The following GLP2R variants were observed in gnomAD, a reference collection of about 807,000 sequenced individuals.
GLP2R encodes glucagon like peptide 2 receptor, also known as glucagon-like peptide 2 receptor.
A neutral mutation model predicts 68.2 loss-of-function variants in GLP2R; 59 were observed. The ratio of observed to expected loss-of-function variants is 0.87; its 90% CI spans 0.70 to 1.07. The LOEUF (loss-of-function observed/expected upper bound fraction) is 1.07, where lower values mean the gene tolerates loss of function less well. Among genes scored for constraint, GLP2R ranks in the 50% least tolerant of loss-of-function variants. GLP2R has a pLI of 0.00. For missense variants in GLP2R, 548 were observed against 677.4 expected (o/e 0.81, Z 2.12); for synonymous variants, 270 against 265.4 (o/e 1.02, Z -0.17).
chr17:9,836,057 A>AG (rs1399042427), intron 2 of GLP2R, among the ~76,000 whole-genome samples: 13 of 151,618 alleles, frequency 8.6e-5, no homozygotes, highest in Admixed American at 4.6e-4. Context: ...AAAAAAAAAA[A>AG]AAAGAAAGAA....
At chr17:9,847,365 T>A (rs1316155675) in intron 4 of GLP2R, among the ~76,000 whole-genome samples, 1 of 151,796 alleles carries the variant, frequency 6.6e-6, no homozygotes. Flanking sequence ...CGCCTTCCGG[T>A]TTCAAGCGAT....
At chr17:9,826,661 T>TTCCTA (rs1359748530) in intron 1 of GLP2R, among the ~76,000 whole-genome samples, 2 of 152,188 alleles carry the variant, frequency 1.3e-5, no homozygotes, top group African/African-American at 4.8e-5. Context: ...ATTTTTCTTT[T>TTCCTA]TCCTTTCCTT....
At position 9,834,041 on chromosome 17, in the gene GLP2R, G is replaced by A. The variant is rs750237770; in HGVS notation, c.277+147G>A. 1.1e-4 allele frequency: 78 copies of A among 700,276 alleles called. 1 individual carries two copies. The highest frequency in any genetic ancestry group is 4.9e-4 in the South Asian group (31 of 62,728). The allele number at this position is 700,276 out of a possible 1,614,324, so 43.4% of individuals were successfully genotyped here. On this transcript the variant is annotated intron_variant, in intron 2 of 12. Coordinates refer to ENST00000262441, the MANE Select transcript of GLP2R (RefSeq NM_004246.3). ...GGCACACTGGGGATGGCTTGTTTCC[G>A]CTCTGTAATGTCTAGAGTTTAGCTG...
intron 4 of GLP2R, among the ~76,000 whole-genome samples, chr17:9,851,242 T>G (rs142167914): frequency 6.6e-6 from 1 of 152,158 alleles, no homozygotes; most frequent in South Asian, 2.1e-4. Context: ...GACCCAGTAA[T>G]GTCTTGATAT....
intron 3 of GLP2R, among the ~76,000 whole-genome samples, chr17:9,841,087 G>A (rs1331265028): frequency 6.7e-6 from 1 of 149,138 alleles, no homozygotes; most frequent in Non-Finnish European, 1.5e-5. Context: ...CGTGATCTCA[G>A]CTCACTGCAA....
chr17:9,843,036 C>T (rs1191430239), intron 4 of GLP2R, among the ~76,000 whole-genome samples: 35 of 151,808 alleles, frequency 2.3e-4, no homozygotes, highest in Admixed American at 6.6e-5. Context: ...CCCACCACCC[C>T]CCACTTCGAC....
chr17:9,854,554 C>T lies in GLP2R; in HGVS notation c.564C>T (p.Phe188=). 6.2e-7 allele frequency: 1 copy of T among 1,612,114 alleles called. No individual in the cohort carries two copies. Among genetic ancestry groups the T allele is most frequent in the Non-Finnish European group, 8.5e-7 (1 of 1,178,140 alleles). ...TGATGTACACCGTGGGATACTCCTT[C>T]TCTCTTATCTCCCTCTTCCTGGCTC... ...LQLMYTVGYS[F]SLISLFLALT... is the part of the protein sequence containing the mutation. The change falls in exon 5 of 13, where the codon TTC becomes TTT. Residue 188 remains phenylalanine, a synonymous_variant. Transcript: ENST00000262441.
intron 4 of GLP2R, among the ~76,000 whole-genome samples, chr17:9,849,607 C>CTTTTTTTTTTTTTTT (rs57795068): frequency 2.3e-5 from 2 of 87,116 alleles, no homozygotes; most frequent in Non-Finnish European, 2.0e-5. Flanking sequence ...TTTTCTCTTT[C>CTTTTTTTTTTTTTTT]TTTTTTTTTT....
At position 9,887,951 on chromosome 17, in the gene GLP2R, A is replaced by G. The variant is rs1431182001; in HGVS notation, c.1304A>G (p.Gln435Arg). The G allele has an allele frequency of 1.2e-6, 2 of 1,612,708 alleles. No individual in the cohort carries two copies. Among genetic ancestry groups the G allele is most frequent in the Non-Finnish European group, 1.7e-6 (2 of 1,178,728 alleles). ...TTTCAGGGGTTCCTGGTGGCCTTGC[A>G]GTATGGTTTTGCCAATGGAGAGGTA... is the stretch of plus-strand genomic sequence containing the variant. ...SSFHGFLVAL[Q>R]YGFANGEVKA... Residue 435 changes from glutamine to arginine, a missense_variant, in exon 12 of 13, where the codon CAG becomes CGG. Transcript: ENST00000262441.
intron 3 of GLP2R, among the ~76,000 whole-genome samples, chr17:9,839,364 T>C (rs1028004078): frequency 4.4e-4 from 67 of 151,446 alleles, no homozygotes; most frequent in African/African-American, 1.5e-3. Flanking sequence ...CAGGGAGGAG[T>C]AGAAAATGGA....
intron 5 of GLP2R, among the ~76,000 whole-genome samples, chr17:9,855,146 C>G (rs543103068): frequency 6.6e-6 from 1 of 152,134 alleles, no homozygotes; most frequent in Non-Finnish European, 1.5e-5. Context: ...AATGGGGGAA[C>G]TATGGTATTG....
Position 9,842,505 on chromosome 17 carries a change from A to G in GLP2R, c.393A>G (p.Gly131=). 6.2e-7 allele frequency: 1 copy of G among 1,614,144 alleles called. No individual in the cohort carries two copies. The highest frequency in any genetic ancestry group is 8.5e-7 in the Non-Finnish European group (1 of 1,180,006). ...TTTGTTTACTTTCAGAGAGCTCAGG[A>G]AGGGCCTACAGACACTGCTTGGCTC... ...YLPWWSEESS[G]RAYRHCLAQG... is the part of the protein sequence containing the mutation. Residue 131 remains glycine, a synonymous_variant, in exon 4 of 13, where the codon GGA becomes GGG. Coordinates refer to ENST00000262441, the MANE Select transcript of GLP2R (RefSeq NM_004246.3).
chr17:9,831,906 A>G (rs73976631), intron 1 of GLP2R, among the ~76,000 whole-genome samples: 3,006 of 152,252 alleles, frequency 0.02, 84 homozygotes, highest in African/African-American at 0.069. Context: ...TCAGGTTTCT[A>G]ATGGAGAGAA....
chr17:9,841,786 G>A (rs1031561273), intron 3 of GLP2R, among the ~76,000 whole-genome samples: 1 of 152,124 alleles, frequency 6.6e-6, no homozygotes, highest in African/African-American at 2.4e-5. Flanking sequence ...CCCATGATAT[G>A]CAGGGCCAGG....
At chr17:9,879,895 A>G (rs923573915) in intron 10 of GLP2R, among the ~76,000 whole-genome samples, 4 of 152,156 alleles carry the variant, frequency 2.6e-5, no homozygotes, top group African/African-American at 9.7e-5. Context: ...GAGGTTTACT[A>G]CTTAGTGTCT....
At chr17:9,860,828 G>A (rs535324335) in intron 7 of GLP2R, among the ~76,000 whole-genome samples, 3 of 152,206 alleles carry the variant, frequency 2.0e-5, no homozygotes, top group Non-Finnish European at 2.9e-5. Context: ...AGAATTTGGT[G>A]CTACAGGATT....
At chr17:9,846,242 G>A (rs918225339) in intron 4 of GLP2R, among the ~76,000 whole-genome samples, 1 of 152,124 alleles carries the variant, frequency 6.6e-6, no homozygotes, top group Admixed American at 6.5e-5. Context: ...ATTGCATACA[G>A]ATTGTGCAAG....
chr17:9,859,203 AT>A (rs1364397897), intron 6 of GLP2R, among the ~76,000 whole-genome samples: 1 of 151,974 alleles, frequency 6.6e-6, no homozygotes, highest in African/African-American at 2.4e-5. Flanking sequence ...ATTTGTTTCA[AT>A]TTTTTCTTTG....
chr17:9,888,578 T>C (rs10852917), intron 12 of GLP2R, among the ~76,000 whole-genome samples: 24,909 of 152,164 alleles, frequency 0.16, 2,729 homozygotes, highest in East Asian at 0.5. Context: ...GCGATTCTCA[T>C]GCCTCAGCCT....
Sources: gnomAD v4.1 joint callset for allele counts (sites outside exome capture counted in the v4.1 genomes callset) on GRCh38, gnomAD v4.1.1 for gene constraint, MANE v1.5 for transcripts, NCBI Gene and HGNC (gene_info 2026-07-23, HGNC 2026-07-21) for gene names.